The following RBFOX1 variants were observed in gnomAD, a reference collection of about 807,000 sequenced individuals.
RBFOX1 encodes RNA binding fox-1 homolog 1.
Under a neutral mutation model 57.7 loss-of-function variants are expected in RBFOX1, and 8 were observed. The observed-to-expected ratio is 0.14, with a 90% CI of 0.08 to 0.25. The LOEUF (loss-of-function observed/expected upper bound fraction) is 0.25, where lower values mean the gene tolerates loss of function less well. Among genes scored for constraint, RBFOX1 ranks in the 10% least tolerant of loss-of-function variants. The pLI is 1.00. For synonymous variants in RBFOX1, 326 were observed against 222.4 expected (o/e 1.47, Z -4.15); for missense variants, 611 against 548.5 (o/e 1.11, Z -1.14).
chr16:5,954,956 C>G (rs2059593866), intron 4 of RBFOX1, among the ~76,000 whole-genome samples: 1 of 151,236 alleles, frequency 6.6e-6, no homozygotes, highest in Non-Finnish European at 1.5e-5. Flanking sequence ...GAAGGAGGAG[C>G]AAATACTTGA....
intron 4 of RBFOX1, among the ~76,000 whole-genome samples, chr16:7,508,994 C>T (rs1007453651): frequency 2.0e-5 from 3 of 152,234 alleles, no homozygotes; most frequent in Non-Finnish European, 2.9e-5. Context: ...TTTGACATTT[C>T]ACTCTGGTTG....
chr16:6,734,104 C>G (rs555263834), intron 3 of RBFOX1, among the ~76,000 whole-genome samples: 2 of 152,274 alleles, frequency 1.3e-5, no homozygotes, highest in East Asian at 3.9e-4. Flanking sequence ...AGTCTTATTA[C>G]CAGAATTGCA....
intron 2 of RBFOX1, among the ~76,000 whole-genome samples, chr16:6,413,388 C>A (rs1215193056): frequency 6.6e-6 from 1 of 151,860 alleles, no homozygotes; most frequent in Non-Finnish European, 1.5e-5. Flanking sequence ...GGTCTTGAAC[C>A]CCTGGGCTCA....
At chr16:6,308,432 T>A (rs1443439374) in intron 1 of RBFOX1, among the ~76,000 whole-genome samples, 1 of 152,230 alleles carries the variant, frequency 6.6e-6, no homozygotes, top group East Asian at 1.9e-4. Flanking sequence ...CATAAATGAA[T>A]GCACATGACT....
intron 4 of RBFOX1, among the ~76,000 whole-genome samples, chr16:7,417,527 A>G (rs1333000111): frequency 1.3e-5 from 1 of 75,916 alleles, no homozygotes; most frequent in Non-Finnish European, 2.8e-5. Flanking sequence ...TTCACATGGT[A>G]TTGTGTGTGT....
chr16:6,908,663 A>G (rs368656444), intron 3 of RBFOX1, among the ~76,000 whole-genome samples: 19 of 152,024 alleles, frequency 1.2e-4, no homozygotes, highest in Non-Finnish European at 2.1e-4. Flanking sequence ...ATGGCCCTCT[A>G]ATTATCCATG....
chr16:6,831,706 C>G (rs960550195), intron 3 of RBFOX1, among the ~76,000 whole-genome samples: 1 of 152,050 alleles, frequency 6.6e-6, no homozygotes, highest in Non-Finnish European at 1.5e-5. Flanking sequence ...AACTCTTTGC[C>G]CCTTCCTCCA....
chr16:6,975,553 C>T (rs576165259), intron 3 of RBFOX1, among the ~76,000 whole-genome samples: 1 of 152,294 alleles, frequency 6.6e-6, no homozygotes, highest in East Asian at 1.9e-4. Context: ...AGGCGTGAGC[C>T]ACTGCACCTG....
chr16:5,759,591 C>T (rs1233937221), intron 3 of RBFOX1, among the ~76,000 whole-genome samples: 1 of 152,196 alleles, frequency 6.6e-6, no homozygotes, highest in Non-Finnish European at 1.5e-5. Flanking sequence ...CATGAGGTTC[C>T]TTTTGCCGCC....
chr16:6,954,645 A>G (rs963381393), intron 3 of RBFOX1, among the ~76,000 whole-genome samples: 1 of 152,090 alleles, frequency 6.6e-6, no homozygotes, highest in Non-Finnish European at 1.5e-5. Context: ...TGATTTTTCT[A>G]GGGCAGTTCT....
intron 4 of RBFOX1, among the ~76,000 whole-genome samples, chr16:7,283,870 T>C (rs1248518592): frequency 6.6e-6 from 1 of 152,202 alleles, no homozygotes; most frequent in African/African-American, 2.4e-5. Context: ...TACAGTGATG[T>C]AATAACCACC....
At chr16:5,607,907 G>A (rs1005136756) in intron 3 of RBFOX1, among the ~76,000 whole-genome samples, 1 of 152,180 alleles carries the variant, frequency 6.6e-6, no homozygotes, top group Non-Finnish European at 1.5e-5. Context: ...TGTATGATTG[G>A]ACCATAATGT....
rs144780798 is a variant in RBFOX1 at position 5,702,970 on chromosome 16, A to T, written c.318+104009A>T. Reference sequence around the variant, plus strand: ...GCCTCTGCATGTTACTATGTGACAAACATCATGTACATCATGATGTCTCTT... The same window carrying T: ...GCCTCTGCATGTTACTATGTGACAATCATCATGTACATCATGATGTCTCTT... On this transcript the variant is annotated intron_variant, in intron 3 of 19. Coordinates refer to the RBFOX1 transcript ENST00000641259. Among the ~76,000 whole-genome samples, 1,369 of 152,304 alleles carry T rather than the reference A, an allele frequency of 9.0e-3. 30 individuals are homozygous for T. Among genetic ancestry groups the T allele is most frequent in the African/African-American group, 0.031 (1,306 of 41,562 alleles).
At chr16:5,812,137 G>A (rs954242949) in intron 3 of RBFOX1, among the ~76,000 whole-genome samples, 3 of 152,258 alleles carry the variant, frequency 2.0e-5, no homozygotes, top group East Asian at 3.9e-4. Context: ...TTTTTGTTGT[G>A]CGGTCATGTT....
intron 4 of RBFOX1, among the ~76,000 whole-genome samples, chr16:5,992,401 C>G (rs1419823256): frequency 6.6e-6 from 1 of 152,156 alleles, no homozygotes; most frequent in South Asian, 2.1e-4. Context: ...CAATGGGTAA[C>G]CCTTTCTTAG....
chr16:6,665,426 C>G (rs971930133), intron 3 of RBFOX1, among the ~76,000 whole-genome samples: 2 of 152,068 alleles, frequency 1.3e-5, no homozygotes, highest in African/African-American at 4.8e-5. Flanking sequence ...CCAGCCAGGA[C>G]AACATGGTGA....
Position 6,335,597 on chromosome 16 carries a change from G to T in RBFOX1, c.-64+18540G>T, listed in dbSNP as rs923246243. 3.3e-5 allele frequency among the ~76,000 whole-genome samples: 5 copies of T among 151,838 alleles called. No homozygotes were observed. In the South Asian group the frequency reaches 8.3e-4, roughly 25 times the overall value. The stretch of plus-strand genomic sequence containing the variant: ...GATTGAGACCCTCCTGGCCAACATG[G>T]TGAAACCTCGTCTCTACTAAAAATA... On this transcript the variant is annotated intron_variant, in intron 2 of 15. Transcript: ENST00000550418.
intron 3 of RBFOX1, among the ~76,000 whole-genome samples, chr16:6,720,579 A>G (rs2065785909): frequency 2.0e-5 from 3 of 152,184 alleles, no homozygotes; most frequent in African/African-American, 4.8e-5. Flanking sequence ...GGAGCATGGT[A>G]TGATGGAGAA....
intron 1 of RBFOX1, among the ~76,000 whole-genome samples, chr16:5,266,295 C>T (rs531322770): frequency 6.6e-6 from 1 of 152,104 alleles, no homozygotes; most frequent in Non-Finnish European, 1.5e-5. Context: ...CCTGGACTCA[C>T]TGGATGCAGT....
Sources: gnomAD v4.1 joint callset for allele counts (sites outside exome capture counted in the v4.1 genomes callset) on GRCh38, gnomAD v4.1.1 for gene constraint, MANE v1.5 for transcripts, NCBI Gene and HGNC (gene_info 2026-07-23, HGNC 2026-07-21) for gene names.